FSHR: variants seen among roughly 807,000 people sequenced by gnomAD.
FSHR encodes the protein follicle-stimulating hormone receptor.
In FSHR, 46 loss-of-function variants were observed where a neutral mutation model predicts 52.1. The observed-to-expected ratio is 0.88, with a 90% CI of 0.70 to 1.13. The LOEUF is 1.13. FSHR is among the 50% of genes most tolerant of loss of function. The probability of loss-of-function intolerance (pLI) is 0.00; values close to 1 mark genes in which losing one functional copy is unlikely to be tolerated. For missense variants in FSHR, 964 were observed against 834.6 expected, an observed-to-expected ratio of 1.16 and a Z score of -1.91; for synonymous variants, 399 against 309.6, an observed-to-expected ratio of 1.29 and a Z score of -3.03.
chr2:49,082,563 G>A (rs529374616), intron 1 of FSHR, among the ~76,000 whole-genome samples: 38 of 152,200 alleles, frequency 2.5e-4, no homozygotes, highest in African/African-American at 7.9e-4. Flanking sequence ...ACGGGAGGAC[G>A]TTCAAACCAA....
chr2:49,003,975 C>A (rs7594633), intron 4 of FSHR, among the ~76,000 whole-genome samples: 2 of 152,002 alleles, frequency 1.3e-5, no homozygotes, highest in African/African-American at 2.4e-5. Context: ...GACAAAGATA[C>A]CTTTTAAACC....
chr2:48,991,078 G>A (rs1165638450), intron 4 of FSHR, among the ~76,000 whole-genome samples: 2 of 152,094 alleles, frequency 1.3e-5, no homozygotes, highest in Non-Finnish European at 2.9e-5. Flanking sequence ...GGGTATGTAT[G>A]TGACCTAAGC....
At chr2:49,109,331 C>T (rs1254416825) in intron 1 of FSHR, among the ~76,000 whole-genome samples, 2 of 151,892 alleles carry the variant, frequency 1.3e-5, no homozygotes, top group Non-Finnish European at 2.9e-5. Flanking sequence ...GCCTTTTATG[C>T]CCATCGAAAA....
At chr2:49,027,624 C>T (rs967988228) in intron 2 of FSHR, among the ~76,000 whole-genome samples, 4 of 152,040 alleles carry the variant, frequency 2.6e-5, no homozygotes, top group African/African-American at 9.7e-5. Context: ...CCGAGGTGGG[C>T]CGATCACTTG....
At chr2:49,042,352 G>A (rs377102760) in intron 2 of FSHR, among the ~76,000 whole-genome samples, 69 of 152,224 alleles carry the variant, frequency 4.5e-4, no homozygotes, top group African/African-American at 1.6e-3. Flanking sequence ...AATGGGGGAA[G>A]GAGAAGATTT....
At chr2:49,112,737 A>G (rs1671465823) in intron 1 of FSHR, among the ~76,000 whole-genome samples, 1 of 152,174 alleles carries the variant, frequency 6.6e-6, no homozygotes, top group Non-Finnish European at 1.5e-5. Context: ...ATAGTTAACT[A>G]AGTAACAAAG....
At chr2:49,016,031 T>C (rs1667478902) in intron 4 of FSHR, among the ~76,000 whole-genome samples, 1 of 152,154 alleles carries the variant, frequency 6.6e-6, no homozygotes. Context: ...CCAGGTCATA[T>C]GAATTGTCTC....
At position 49,039,068 on chromosome 2, in the gene FSHR, C is replaced by T. The variant is rs570963175; in HGVS notation, c.225-18908G>A. On this transcript the variant is annotated intron_variant, in intron 2 of 9. Coordinates refer to ENST00000406846, the MANE Select transcript of FSHR (RefSeq NM_000145.4). ...CCATGAGGCCCTGTACATGTCCTAA[C>T]TAAATCTAAAGTACAGTTTTCACAC... Among the ~76,000 whole-genome samples, 7 of 152,292 alleles carry T rather than the reference C, an allele frequency of 4.6e-5. No homozygotes were observed. The South Asian group carries it at 8.3e-4, about 18-fold the overall frequency.
chr2:49,082,067 C>T (rs541806359), intron 1 of FSHR, among the ~76,000 whole-genome samples: 4 of 152,278 alleles, frequency 2.6e-5, no homozygotes, highest in South Asian at 2.1e-4. Context: ...CAGCTCCCAG[C>T]GTGAGCGACA....
At position 49,141,782 on chromosome 2, in the gene FSHR, GACTTT is replaced by G. The variant is rs1005963014; in HGVS notation, c.152+12479_152+12483del. ...TGTAAGTGCTCAGATGAAGAGTTTA[GACTTT>G]ACTTTAGGAGTTCAGAGTAAAAAGA... On this transcript the variant is annotated intron_variant, in intron 1 of 9. Coordinates refer to ENST00000406846, the MANE Select transcript of FSHR (RefSeq NM_000145.4). Among the ~76,000 whole-genome samples, 23 of 108,118 alleles carry G rather than the reference GACTTT, an allele frequency of 2.1e-4. 1 individual carries two copies. The highest frequency in any genetic ancestry group is 6.8e-4 in the African/African-American group (17 of 24,996). 70.9% of individuals were successfully genotyped at this position (108,118 alleles called of 152,430 possible).
At position 49,005,078 on chromosome 2, in the gene FSHR, G is replaced by T. The variant is rs1667031249; in HGVS notation, c.374+12411C>A. On this transcript the variant is annotated intron_variant, in intron 4 of 9. Transcript: ENST00000406846. ...TCAAAAATGCAAATTCTCCTTGAAA[G>T]GAGAATATCAGAGTCTGAATATGTT... 2.0e-5 allele frequency among the ~76,000 whole-genome samples: 3 copies of T among 152,068 alleles called. No homozygotes were observed. In the South Asian group the frequency reaches 6.2e-4, roughly 32 times the overall value.
rs1056034849 is a variant in FSHR, at chr2:49,087,075, T to A, written c.153-18785A>T. Among the ~76,000 whole-genome samples, 817 of 134,806 alleles carry A rather than the reference T, an allele frequency of 6.1e-3. 18 individuals are homozygous for A. Among genetic ancestry groups the A allele is most frequent in the African/African-American group, 0.025 (780 of 30,858 alleles). 88.4% of individuals were successfully genotyped at this position (134,806 alleles called of 152,430 possible). On this transcript the variant is annotated intron_variant, in intron 1 of 9. Coordinates refer to ENST00000406846, the MANE Select transcript of FSHR (RefSeq NM_000145.4). ...TGAGGGACCCTGTGGGCAGGGTTTT[T>A]TTTTTTTTTTTTTTTTTTTTTTTAC...
chr2:49,065,416 C>G (rs1161580150), intron 2 of FSHR, among the ~76,000 whole-genome samples: 1 of 151,948 alleles, frequency 6.6e-6, no homozygotes, highest in East Asian at 1.9e-4. Flanking sequence ...ATCTGAGAGG[C>G]AGTCAGTAGG....
At chr2:49,021,882 TATATAGAG>T (rs1315223861) in intron 2 of FSHR, among the ~76,000 whole-genome samples, 7 of 43,918 alleles carry the variant, frequency 1.6e-4, no homozygotes, top group Admixed American at 9.6e-4. Flanking sequence ...TATATATATA[TATATAGAG>T]AGAGAGAGAG....
chr2:49,086,019 C>T (rs910217631), intron 1 of FSHR, among the ~76,000 whole-genome samples: 2 of 151,608 alleles, frequency 1.3e-5, no homozygotes, highest in African/African-American at 2.4e-5. Context: ...TGCTAAATGA[C>T]GAGTTAATGG....
chr2:49,061,438 C>G (rs1222974186), intron 2 of FSHR, among the ~76,000 whole-genome samples: 1 of 149,740 alleles, frequency 6.7e-6, no homozygotes, highest in African/African-American at 2.5e-5. Flanking sequence ...AACTATGGGT[C>G]AAAAACTGTA....
intron 1 of FSHR, among the ~76,000 whole-genome samples, chr2:49,098,879 T>G (rs1287640285): frequency 4.1e-5 from 6 of 146,922 alleles, no homozygotes; most frequent in African/African-American, 1.5e-4. Context: ...ACTTATATTA[T>G]CCATATATTA....
rs775226055 is a variant in FSHR, at chr2:49,154,376, C to T, written c.42G>A (p.Leu14=). 4 of 1,613,186 alleles carry T rather than the reference C, an allele frequency of 2.5e-6. No individual in the cohort carries two copies. Among genetic ancestry groups the T allele is most frequent in the South Asian group, 2.2e-5 (2 of 91,036 alleles). The change falls in exon 1 of 10, where the codon TTG becomes TTA. Residue 14 remains leucine (L), a synonymous_variant. Coordinates refer to ENST00000406846, the MANE Select transcript of FSHR (RefSeq NM_000145.4). ...LLVSLLAFLS[L]GSGCHHRICH... is the part of the protein sequence containing the mutation. Reference sequence around the variant, plus strand: ...AGATCCGATGATGACATCCTGAGCCCAAGCTCAGGAATGCCAGCAAAGAGA... The same window carrying T: ...AGATCCGATGATGACATCCTGAGCCTAAGCTCAGGAATGCCAGCAAAGAGA...
intron 8 of FSHR, among the ~76,000 whole-genome samples, chr2:48,974,893 T>C (rs1182627280): frequency 3.9e-5 from 6 of 152,200 alleles, no homozygotes; most frequent in Non-Finnish European, 4.4e-5. Context: ...ATTTGTTGGC[T>C]ACAGTTCTTC....
Sources: allele counts gnomAD v4.1 joint callset (sites outside exome capture counted in the v4.1 genomes callset), GRCh38; gene constraint gnomAD v4.1.1; transcripts MANE v1.5; gene names NCBI Gene and HGNC (gene_info 2026-07-23, HGNC 2026-07-21).